The following PRH1 variants were observed in gnomAD, a reference collection of about 807,000 sequenced individuals.
The protein encoded by PRH1 is salivary acidic proline-rich phosphoprotein 1/2.
PRH1 carries 7 observed loss-of-function variants against 7.9 expected under a neutral mutation model. The observed-to-expected ratio is 0.89, with a 90% CI of 0.50 to 1.67. The LOEUF (loss-of-function observed/expected upper bound fraction) is 1.67. PRH1 is among the 40% of genes most tolerant of loss of function. The probability of loss-of-function intolerance (pLI) is 0.00; values close to 1 mark genes in which losing one functional copy is unlikely to be tolerated. For synonymous variants in PRH1, 45 were observed against 80.8 expected, an observed-to-expected ratio of 0.56 and a Z score of 2.38; for missense variants, 109 against 223.6, an observed-to-expected ratio of 0.49 and a Z score of 3.27.
At chr12:10,891,447 A>T (rs1031000715) in intron 2 of PRH1, 5 of 152,222 alleles carry the variant, frequency 3.3e-5, no homozygotes, top group African/African-American at 1.2e-4. Context: ...AATCCTCCTC[A>T]TTAATGAGCA....
chr12:11,021,883 G>A (rs1941657073), intron 1 of PRH1: 2 of 1,614,110 alleles, frequency 1.2e-6, no homozygotes, highest in African/African-American at 2.7e-5. Context: ...GGAGGTCACA[G>A]TTTGCAAAGC....
At chr12:11,152,332 GTAT>G (rs1306357097) in intron 1 of PRH1, among the ~76,000 whole-genome samples, 2 of 109,420 alleles carry the variant, frequency 1.8e-5, no homozygotes, top group Admixed American at 9.6e-5. Context: ...TTGTGAGATA[GTAT>G]AATAATACAA....
intron 1 of PRH1, among the ~76,000 whole-genome samples, chr12:11,010,643 A>G (rs1035301348): frequency 2.6e-5 from 4 of 151,942 alleles, no homozygotes; most frequent in Non-Finnish European, 5.9e-5. Flanking sequence ...TCCTAAGAGT[A>G]GTGTATGAAA....
At chr12:10,906,901 A>G (rs577794904) in intron 2 of PRH1, among the ~76,000 whole-genome samples, 1 of 152,358 alleles carries the variant, frequency 6.6e-6, no homozygotes, top group East Asian at 1.9e-4. Context: ...AACAGAAAGC[A>G]ATGAATCAAG....
At chr12:10,911,676 A>G (rs1011289326) in intron 2 of PRH1, among the ~76,000 whole-genome samples, 2 of 152,324 alleles carry the variant, frequency 1.3e-5, no homozygotes, top group Admixed American at 6.5e-5. Flanking sequence ...AGAATTTGGT[A>G]TTAAGATTTA....
chr12:11,056,559 G>A (rs1372690432), intron 1 of PRH1, among the ~76,000 whole-genome samples: 3 of 152,108 alleles, frequency 2.0e-5, no homozygotes, highest in South Asian at 2.1e-4. Flanking sequence ...GGCCAGGCCC[G>A]TGGCTCCCAG....
intron 1 of PRH1, chr12:11,046,983 T>C (rs767575309): frequency 6.2e-6 from 3 of 484,780 alleles, no homozygotes; most frequent in South Asian, 3.1e-5. Flanking sequence ...TCATCAAGAT[T>C]AGTGGTTTGA....
intron 1 of PRH1, among the ~76,000 whole-genome samples, chr12:11,011,484 A>T (rs1423833170): frequency 6.6e-6 from 1 of 152,126 alleles, no homozygotes; most frequent in Non-Finnish European, 1.5e-5. Context: ...ATTTGCTAGC[A>T]TGCAAATACA....
At chr12:11,022,541 T>C (rs754615861) in intron 1 of PRH1, 12 of 1,612,364 alleles carry the variant, frequency 7.4e-6, no homozygotes, top group South Asian at 3.3e-5. Flanking sequence ...ACTACCAGAA[T>C]TGATGAAATG....
At chr12:10,960,530 T>G (rs1591730997) in intron 2 of PRH1, among the ~76,000 whole-genome samples, 1 of 152,318 alleles carries the variant, frequency 6.6e-6, no homozygotes, top group East Asian at 1.9e-4. Context: ...ATCTACACCC[T>G]TTGTGAGAGA....
At chr12:11,149,295 G>C (rs1287443067) in intron 1 of PRH1, among the ~76,000 whole-genome samples, 1 of 152,016 alleles carries the variant, frequency 6.6e-6, no homozygotes, top group Non-Finnish European at 1.5e-5. Context: ...CTTCAGTTCT[G>C]CTCTGATTTT....
At chr12:10,960,301 C>A (rs951783079) in intron 2 of PRH1, among the ~76,000 whole-genome samples, 1 of 152,160 alleles carries the variant, frequency 6.6e-6, no homozygotes, top group Non-Finnish European at 1.5e-5. Context: ...AAGCTTAAGT[C>A]CTCTTGATAA....
intron 1 of PRH1, chr12:10,997,180 G>C (rs771461748): frequency 3.7e-6 from 6 of 1,613,970 alleles, no homozygotes; most frequent in Admixed American, 1.7e-5. Context: ...TGAGGAAGGA[G>C]GTCACAGTTT....
chr12:11,135,993 G>A (rs1373090217), intron 1 of PRH1, among the ~76,000 whole-genome samples: 1 of 152,136 alleles, frequency 6.6e-6, no homozygotes, highest in Non-Finnish European at 1.5e-5. Context: ...ATACCGCAGT[G>A]TATCATAAAC....
At chr12:11,045,896 A>T (rs1942883259) in intron 1 of PRH1, among the ~76,000 whole-genome samples, 2 of 152,280 alleles carry the variant, frequency 1.3e-5, no homozygotes, top group South Asian at 2.1e-4. Context: ...TATATAATAA[A>T]TAAATATAAC....
At chr12:10,956,460 A>G (rs1050998877) in intron 2 of PRH1, among the ~76,000 whole-genome samples, 11 of 152,206 alleles carry the variant, frequency 7.2e-5, no homozygotes, top group African/African-American at 2.4e-4. Flanking sequence ...CCCACAGCCA[A>G]TATCATACTA....
chr12:11,094,299 C>CAAAAAAAAAAAAAAAAAAA (rs34742610), intron 1 of PRH1, among the ~76,000 whole-genome samples: 3 of 27,016 alleles, frequency 1.1e-4, no homozygotes, highest in Admixed American at 5.6e-4. Context: ...AAGACTCTGT[C>CAAAAAAAAAAAAAAAAAAA]AAAAAAAAAA....
intron 1 of PRH1, among the ~76,000 whole-genome samples, chr12:11,113,645 G>A (rs2264191): frequency 0.98 from 149,793 of 152,372 alleles, 73,662 homozygotes; most frequent in Middle Eastern, 1. Context: ...CATTCAGGAC[G>A]TAGGCATGAG....
intron 2 of PRH1, among the ~76,000 whole-genome samples, chr12:10,928,894 C>T (rs7979199): frequency 6.6e-6 from 1 of 152,040 alleles, no homozygotes; most frequent in Admixed American, 6.6e-5. Flanking sequence ...CACATACACA[C>T]AAATGAAAAG....
Sources: gnomAD v4.1 joint callset for allele counts (sites outside exome capture counted in the v4.1 genomes callset) on GRCh38, gnomAD v4.1.1 for gene constraint, MANE v1.5 for transcripts, NCBI Gene and HGNC (gene_info 2026-07-23, HGNC 2026-07-21) for gene names.